Variants in SPRY3 observed in about 807,000 individuals in gnomAD.
SPRY3 encodes sprouty RTK signaling antagonist 3.
Under a neutral mutation model 20.2 loss-of-function variants are expected in SPRY3, and 15 were observed. The ratio of observed to expected loss-of-function variants is 0.74; its 90% CI spans 0.50 to 1.14. SPRY3 has a LOEUF of 1.14. Ranked by LOEUF, SPRY3 falls within the 50% of genes most tolerant of loss-of-function variation. The pLI is 0.00. For synonymous variants in SPRY3, 143 were observed against 136.5 expected (o/e 1.05, Z -0.33); for missense variants, 364 against 363.9 (o/e 1.00, Z 0.00).
In SPRY3 at chrX:155,726,332, C is replaced by A. The variant is rs750776920; in HGVS notation, c.-281-41630C>A. ...TGCAGAGTTCTGTAGATGTCTATTACATCTACTTGGTGCAGAGCTGAGTTC... is the reference window on the plus strand; with the variant it reads ...TGCAGAGTTCTGTAGATGTCTATTAAATCTACTTGGTGCAGAGCTGAGTTC... On this transcript the variant is annotated intron_variant, in intron 2 of 3. Coordinates refer to ENST00000675360, the Ensembl canonical transcript of SPRY3. Among the ~76,000 whole-genome samples the A allele has an allele frequency of 9.7e-4, 148 of 152,166 alleles. 1 individual carries two copies. The highest frequency in any genetic ancestry group is 3.4e-3 in the Middle Eastern group (1 of 294).
At chrX:155,778,483 A>G (rs1445929217), downstream of SPRY3, 1 of 166,886 alleles carries the variant, frequency 6.0e-6, no homozygotes, top group Non-Finnish European at 1.5e-5. Context: ...CAAAGAGGGT[A>G]AGCGTTTATT....
Position 155,689,866 on chromosome X carries a change from G to T in SPRY3, c.-282+32841G>T, listed in dbSNP as rs1415294358. On this transcript the variant is annotated intron_variant, in intron 2 of 3. Transcript: ENST00000675360. Reference sequence around the variant, plus strand: ...ATTTCTTATTTTCTGCTAGCCTTGGGGTTGGTTTGCTCTTGGTTCTCTAGT... The same window carrying T: ...ATTTCTTATTTTCTGCTAGCCTTGGTGTTGGTTTGCTCTTGGTTCTCTAGT... Among the ~76,000 whole-genome samples the T allele has an allele frequency of 3.5e-5, 3 of 86,472 alleles. 1 individual carries two copies. The highest frequency in any genetic ancestry group is 6.4e-5 in the Non-Finnish European group (3 of 46,519). The allele number at this position is 86,472 out of a possible 115,157, so 75.1% of individuals were successfully genotyped here.
At chrX:155,670,833 C>T (rs1403328224) in intron 2 of SPRY3, among the ~76,000 whole-genome samples, 1 of 111,803 alleles carries the variant, frequency 8.9e-6, no homozygotes, top group African/African-American at 3.2e-5. Flanking sequence ...ACGAGGGCTA[C>T]AAGCCTTTTA....
intron 2 of SPRY3, among the ~76,000 whole-genome samples, chrX:155,722,588 A>G (rs1224224576): frequency 6.6e-6 from 1 of 152,168 alleles, no homozygotes; most frequent in Non-Finnish European, 1.5e-5. Context: ...CCTTCACATG[A>G]AAGAACACAC....
rs1557349015 is a variant in SPRY3, at chrX:155,617,566, C to T, written c.-441+4919C>T. 3.6e-5 allele frequency among the ~76,000 whole-genome samples: 4 copies of T among 111,290 alleles called. 1 individual carries two copies. The highest frequency in any genetic ancestry group is 2.9e-4 in the Admixed American group (3 of 10,450). The stretch of plus-strand genomic sequence containing the variant: ...AAGCTGAGCTTGCAGTCTCATTGAA[C>T]GAAGGAGGAAAAGATCAGAGCTCAG... On this transcript the variant is annotated intron_variant, in intron 1 of 3. Coordinates refer to ENST00000675360, the Ensembl canonical transcript of SPRY3.
intron 1 of SPRY3, among the ~76,000 whole-genome samples, chrX:155,634,265 G>A (rs782552673): frequency 3.6e-5 from 4 of 111,283 alleles, no homozygotes; most frequent in Non-Finnish European, 7.5e-5. Context: ...AGTTGACTGC[G>A]TAGGATAGCC....
intron 3 of SPRY3, among the ~76,000 whole-genome samples, chrX:155,768,439 T>C (rs2091359736): frequency 1.3e-5 from 2 of 152,260 alleles, no homozygotes; most frequent in Middle Eastern, 3.4e-3. Context: ...AAATGCATTT[T>C]GGTACTTGCC....
chrX:155,768,243 G>GAGC (rs1556231763), intron 3 of SPRY3, 107 bp downstream of exon 2: 2 of 100,524 alleles, frequency 2.0e-5, no homozygotes, highest in African/African-American at 8.2e-5. Flanking sequence ...GCGTGTGTGT[G>GAGC]CCGCGCGCTT....
At chrX:155,632,121 T>C (rs1432409078) in intron 1 of SPRY3, among the ~76,000 whole-genome samples, 1 of 109,995 alleles carries the variant, frequency 9.1e-6, no homozygotes, top group Non-Finnish European at 1.9e-5. Context: ...TCAGTTGAGA[T>C]GTTAGAACTT....
At chrX:155,699,978 T>C (rs76850183) in intron 2 of SPRY3, among the ~76,000 whole-genome samples, 2 of 57,106 alleles carry the variant, frequency 3.5e-5, no homozygotes, top group African/African-American at 1.4e-4. Context: ...CTTAATCTCT[T>C]TTTTTTTTTT....
intron 3 of SPRY3, among the ~76,000 whole-genome samples, chrX:155,773,152 C>G (rs1382050305): frequency 1.3e-5 from 2 of 151,586 alleles, no homozygotes; most frequent in Non-Finnish European, 2.9e-5. Context: ...TACTACACTG[C>G]AGACAGCTTA....
exon 4 of SPRY3, chrX:155,774,060 C>T (rs1360655597): frequency 6.2e-7 from 1 of 1,613,856 alleles, no homozygotes; most frequent in African/African-American, 1.3e-5. Context: ...CTTCTCTCCC[C>T]CGCAGTCTCA....
At chrX:155,660,825 T>C (rs782436483) in intron 2 of SPRY3, among the ~76,000 whole-genome samples, 7 of 110,470 alleles carry the variant, frequency 6.3e-5, no homozygotes, top group Non-Finnish European at 9.5e-5. Context: ...GTCTGTTTTA[T>C]CTGACATAAG....
intron 1 of SPRY3, among the ~76,000 whole-genome samples, chrX:155,654,579 A>G (rs1019914629): frequency 9.0e-6 from 1 of 110,570 alleles, no homozygotes; most frequent in Non-Finnish European, 1.9e-5. Flanking sequence ...GCAGTTTTCA[A>G]CTTTCTGTTT....
chrX:155,634,669 A>G (rs1271083700), intron 1 of SPRY3, among the ~76,000 whole-genome samples: 2 of 110,326 alleles, frequency 1.8e-5, no homozygotes, highest in African/African-American at 3.3e-5. Context: ...ATTATTTTTT[A>G]CATAGGTGTT....
chrX:155,658,426 G>A (rs1557353198), intron 2 of SPRY3, among the ~76,000 whole-genome samples: 1 of 111,715 alleles, frequency 9.0e-6, no homozygotes, highest in Admixed American at 9.5e-5. Flanking sequence ...ACATTCCTAG[G>A]TATTTTAATG....
At chrX:155,627,651 AT>A (rs782113509) in intron 1 of SPRY3, among the ~76,000 whole-genome samples, 1 of 110,521 alleles carries the variant, frequency 9.0e-6, no homozygotes, top group Non-Finnish European at 1.9e-5. Flanking sequence ...TTCTTTTTTA[AT>A]TTTTTTAATT....
chrX:155,690,456 A>G (rs1423428537), intron 2 of SPRY3, among the ~76,000 whole-genome samples: 1 of 88,224 alleles, frequency 1.1e-5, no homozygotes, highest in Admixed American at 1.2e-4. Flanking sequence ...CTCGTCTCAC[A>G]TGCAGTGACA....
chrX:155,621,845 G>A (rs1405615942), intron 1 of SPRY3, among the ~76,000 whole-genome samples: 4 of 111,481 alleles, frequency 3.6e-5, no homozygotes, highest in East Asian at 2.8e-4. Context: ...CATTTATACC[G>A]TATCTTATTA....
Sources: allele counts gnomAD v4.1 joint callset (sites outside exome capture counted in the v4.1 genomes callset), GRCh38; gene constraint gnomAD v4.1.1; transcripts MANE v1.5; gene names NCBI Gene and HGNC (gene_info 2026-07-23, HGNC 2026-07-21).